PIGL: variants seen among roughly 807,000 people sequenced by gnomAD.
The protein encoded by PIGL is N-acetylglucosaminyl-phosphatidylinositol de-N-acetylase.
In PIGL, 22 loss-of-function variants were observed where a neutral mutation model predicts 31.1. That is an observed-to-expected ratio of 0.71 (90% confidence interval 0.51 to 1.01). The LOEUF is 1.01. Ranked by LOEUF, PIGL falls within the 50% of genes least tolerant of loss-of-function variation. PIGL has a pLI of 0.00. For missense variants in PIGL, 302 were observed against 315.9 expected (o/e 0.96, Z 0.33); for synonymous variants, 131 against 117.4 (o/e 1.12, Z -0.75).
intron 1 of PIGL, 126 bp downstream of exon 1, chr17:16,217,587 C>T (rs865829772): frequency 2.8e-6 from 2 of 726,744 alleles, no homozygotes; most frequent in African/African-American, 3.5e-5. Context: ...GAAGGTCTTA[C>T]CTCTGAACCC....
intron 5 of PIGL, 62 bp from the exon 6 acceptor site, chr17:16,317,713 A>G: frequency 6.2e-7 from 1 of 1,607,418 alleles, no homozygotes; most frequent in Non-Finnish European, 8.5e-7. Context: ...GAGGATGCTC[A>G]GGGGAAAATC....
chr17:16,287,852 G>A (rs929511867), intron 2 of PIGL, among the ~76,000 whole-genome samples: 1 of 152,144 alleles, frequency 6.6e-6, no homozygotes, highest in African/African-American at 2.4e-5. Context: ...CAGAACTGCC[G>A]ACCTCTTTCC....
At chr17:16,226,514 G>C (rs990033921) in intron 1 of PIGL, among the ~76,000 whole-genome samples, 1 of 152,162 alleles carries the variant, frequency 6.6e-6, no homozygotes, top group South Asian at 2.1e-4. Flanking sequence ...CAGGTTTAAG[G>C]AGAGAATTAG....
chr17:16,238,909 CAA>C (rs892510303), intron 2 of PIGL, among the ~76,000 whole-genome samples: 6 of 75,400 alleles, frequency 8.0e-5, no homozygotes, highest in Non-Finnish European at 9.7e-5. Context: ...GACCCCGTCT[CAA>C]AAAAAAAAAA....
chr17:16,309,569 T>G (rs2093039747), intron 3 of PIGL, among the ~76,000 whole-genome samples: 1 of 147,628 alleles, frequency 6.8e-6, no homozygotes, highest in Non-Finnish European at 1.5e-5. Flanking sequence ...AAGACCAGCC[T>G]GGCCACATAA....
At chr17:16,247,675 T>C (rs1235673827) in intron 2 of PIGL, among the ~76,000 whole-genome samples, 1 of 152,214 alleles carries the variant, frequency 6.6e-6, no homozygotes, top group Non-Finnish European at 1.5e-5. Context: ...TCCCTTTTCT[T>C]GAAGGACGAC....
chr17:16,253,258 AAAAC>A (rs1321512080), intron 2 of PIGL, among the ~76,000 whole-genome samples: 4 of 152,146 alleles, frequency 2.6e-5, no homozygotes, highest in African/African-American at 4.8e-5. Context: ...CCGTCTCAAA[AAAAC>A]AAACAAACAA....
chr17:16,258,831 T>G (rs2092808116), intron 2 of PIGL, among the ~76,000 whole-genome samples: 1 of 152,166 alleles, frequency 6.6e-6, no homozygotes, highest in Non-Finnish European at 1.5e-5. Flanking sequence ...TTAACCAAAA[T>G]GAATTTAGTT....
intron 2 of PIGL, among the ~76,000 whole-genome samples, chr17:16,262,483 A>G (rs2092823316): frequency 6.6e-6 from 1 of 152,156 alleles, no homozygotes; most frequent in South Asian, 2.1e-4. Context: ...AAGAAAAATG[A>G]TGCAGCCACC....
intron 1 of PIGL, among the ~76,000 whole-genome samples, chr17:16,219,557 TG>T (rs1243161662): frequency 6.6e-6 from 1 of 151,934 alleles, no homozygotes; most frequent in Non-Finnish European, 1.5e-5. Context: ...CTAGGTTTGG[TG>T]GGGGGTTTTT....
intron 2 of PIGL, among the ~76,000 whole-genome samples, chr17:16,293,716 TA>T (rs2092970246): frequency 6.6e-6 from 1 of 152,230 alleles, no homozygotes; most frequent in Admixed American, 6.5e-5. Context: ...TTATTTATTT[TA>T]AAAAATTGTT....
At chr17:16,217,752 G>A (rs1009743991) in intron 1 of PIGL, 1 of 379,136 alleles carries the variant, frequency 2.6e-6, no homozygotes, top group African/African-American at 2.0e-5. Context: ...ACCTGTACTT[G>A]TTATTCTGTG....
At chr17:16,244,979 A>G (rs1268929838) in intron 2 of PIGL, among the ~76,000 whole-genome samples, 1 of 151,768 alleles carries the variant, frequency 6.6e-6, no homozygotes, top group Non-Finnish European at 1.5e-5. Context: ...CACCCAGACT[A>G]GAGTGTGTTT....
At position 16,246,672 on chromosome 17, in the gene PIGL, C is replaced by CTTTTTTTTTTTTTTTTTTTTTTTTTTTTT. The variant is rs1197171634; in HGVS notation, c.335+12626_335+12627insTTTTTTTTTTTTTTTTTTTTTTTTTTTTT. Among the ~76,000 whole-genome samples, 5 of 64,176 alleles carry CTTTTTTTTTTTTTTTTTTTTTTTTTTTTT rather than the reference C, an allele frequency of 7.8e-5. 1 individual carries two copies. The highest frequency in any genetic ancestry group is 7.0e-4 in the East Asian group (2 of 2,856). The allele number at this position is 64,176 out of a possible 152,430, so 42.1% of individuals were successfully genotyped here. ...GCAGGCTAGAAGTCCAGATCAAGGT[C>CTTTTTTTTTTTTTTTTTTTTTTTTTTTTT]TTTTTTTTTTTTTTTTTTTTTTTTG... is the stretch of plus-strand genomic sequence containing the variant. On this transcript the variant is annotated intron_variant, in intron 2 of 6. Coordinates refer to ENST00000225609, the MANE Select transcript of PIGL (RefSeq NM_004278.4).
At chr17:16,265,347 T>A (rs1037661165) in intron 2 of PIGL, among the ~76,000 whole-genome samples, 1 of 152,156 alleles carries the variant, frequency 6.6e-6, no homozygotes, top group Non-Finnish European at 1.5e-5. Flanking sequence ...ACAGATGATT[T>A]AGGGCTGGAG....
chr17:16,266,423 T>C (rs1028224372), intron 2 of PIGL, among the ~76,000 whole-genome samples: 3 of 150,136 alleles, frequency 2.0e-5, no homozygotes, highest in African/African-American at 7.3e-5. Context: ...GAATATCTTC[T>C]ATTACTTCAT....
chr17:16,229,184 G>A (rs894968414), intron 1 of PIGL, among the ~76,000 whole-genome samples: 5 of 152,084 alleles, frequency 3.3e-5, no homozygotes, highest in Non-Finnish European at 7.4e-5. Context: ...GGCTGAAGTG[G>A]GAGAATCCCT....
chr17:16,239,791 C>CT (rs992306300), intron 2 of PIGL, among the ~76,000 whole-genome samples: 249 of 145,492 alleles, frequency 1.7e-3, no homozygotes, highest in African/African-American at 5.2e-3. Flanking sequence ...GAATTCAACT[C>CT]TTTTTTTTTT....
At chr17:16,240,348 T>C (rs2092717496) in intron 2 of PIGL, among the ~76,000 whole-genome samples, 1 of 152,054 alleles carries the variant, frequency 6.6e-6, no homozygotes, top group African/African-American at 2.4e-5. Context: ...CAGTCTCAGG[T>C]ATTTCTTTAT....
Sources: allele counts gnomAD v4.1 joint callset (sites outside exome capture counted in the v4.1 genomes callset), GRCh38; gene constraint gnomAD v4.1.1; transcripts MANE v1.5; gene names NCBI Gene and HGNC (gene_info 2026-07-23, HGNC 2026-07-21).